The following MYOM1 variants were observed in gnomAD, a reference collection of about 807,000 sequenced individuals.
MYOM1 encodes the protein myomesin 1.
A neutral mutation model predicts 205.3 loss-of-function variants in MYOM1; 164 were observed. The observed-to-expected ratio is 0.80, with a 90% CI of 0.70 to 0.91. The LOEUF is 0.91. Among genes scored for constraint, MYOM1 ranks in the 40% least tolerant of loss-of-function variants. The pLI, the probability that MYOM1 is intolerant of heterozygous loss-of-function variation, is 0.00. For synonymous variants in MYOM1, 772 were observed against 789.4 expected (o/e 0.98, Z 0.37); for missense variants, 2,011 against 2,127.3 (o/e 0.95, Z 1.08).
At chr18:3,214,502 T>G (rs1037043126) in intron 2 of MYOM1, among the ~76,000 whole-genome samples, 2 of 152,160 alleles carry the variant, frequency 1.3e-5, no homozygotes, top group African/African-American at 4.8e-5. Flanking sequence ...CACACTTGGT[T>G]GAAATGCAGG....
At chr18:3,169,844 C>T (rs1347066363) in intron 8 of MYOM1, among the ~76,000 whole-genome samples, 3 of 152,154 alleles carry the variant, frequency 2.0e-5, no homozygotes, top group Non-Finnish European at 2.9e-5. Flanking sequence ...ATCTGCACTC[C>T]GATGTTTATT....
At chr18:3,230,688 C>A in the MYOM1 span, among the ~76,000 whole-genome samples, 28 of 151,976 alleles carry the variant, frequency 1.8e-4, no homozygotes, top group Non-Finnish European at 2.6e-4. Context: ...AGGGTGTACA[C>A]CAAGTAACCA....
At position 3,089,211 on chromosome 18, in the gene MYOM1, T is replaced by C; in HGVS notation, c.4100A>G (p.Glu1367Gly). Reference sequence around the variant, plus strand: ...TAGTACATTACATTCACCAGTCACTTCCCAGCTCAAATACTCAACAAAGTG... The same window carrying C: ...TAGTACATTACATTCACCAGTCACTCCCCAGCTCAAATACTCAACAAAGTG... ...GPHFVEYLSWEVTGECNVLLK... is the reference protein window; with the variant it reads ...GPHFVEYLSWGVTGECNVLLK... Residue 1367 changes from glutamate to glycine, a missense_variant, in exon 29 of 38, where the codon GAA becomes GGA. By Grantham distance (98) the Glu-to-Gly change is moderately conservative (BLOSUM62 -2). Coordinates refer to ENST00000356443, the MANE Select transcript of MYOM1 (RefSeq NM_003803.4). The C allele has an allele frequency of 1.2e-6, 2 of 1,612,094 alleles. No individual in the cohort carries two copies. Among genetic ancestry groups the C allele is most frequent in the South Asian group, 2.2e-5 (2 of 90,876 alleles).
the MYOM1 span, among the ~76,000 whole-genome samples, chr18:3,237,598 CAAAAAAAAAAAAA>C: frequency 3.5e-4 from 19 of 53,612 alleles, no homozygotes; most frequent in African/African-American, 1.5e-3. Flanking sequence ...GACTCCGTCT[CAAAAAAAAAAAAA>C]AAAAAAAAAA....
chr18:3,151,945 G>T, intron 11 of MYOM1, 52 bp from the exon 12 acceptor site: 2 of 1,554,756 alleles, frequency 1.3e-6, no homozygotes, highest in Non-Finnish European at 1.8e-6. Context: ...ATGGCTTAAT[G>T]AATATCTCCA....
intron 19 of MYOM1, among the ~76,000 whole-genome samples, chr18:3,121,162 T>G (rs2079685454): frequency 6.6e-6 from 1 of 152,136 alleles, no homozygotes; most frequent in Non-Finnish European, 1.5e-5. Context: ...AACATATGTT[T>G]AATTAGTTTT....
intron 12 of MYOM1, 87 bp from the exon 13 acceptor site, chr18:3,149,288 T>C: frequency 9.1e-7 from 1 of 1,093,194 alleles, no homozygotes; most frequent in Admixed American, 1.9e-5. Flanking sequence ...GTGGCCAGAT[T>C]AGTCACAACT....
chr18:3,136,961 T>C (rs935811825), intron 14 of MYOM1, among the ~76,000 whole-genome samples: 1 of 151,734 alleles, frequency 6.6e-6, no homozygotes, highest in Non-Finnish European at 1.5e-5. Context: ...TTTTCTTTTT[T>C]TTTTTTTGAG....
At chr18:3,145,293 G>C (rs192225298) in intron 13 of MYOM1, among the ~76,000 whole-genome samples, 1 of 147,942 alleles carries the variant, frequency 6.8e-6, no homozygotes, top group Non-Finnish European at 1.5e-5. Flanking sequence ...CTGGGAAACA[G>C]AGTGAGACTC....
intron 33 of MYOM1, among the ~76,000 whole-genome samples, chr18:3,083,427 C>CTTTTTTTTTTTTTTTTTTTTTT (rs35959808): frequency 9.1e-5 from 9 of 98,524 alleles, no homozygotes; most frequent in African/African-American, 1.7e-4. Flanking sequence ...TTTTCTTTTT[C>CTTTTTTTTTTTTTTTTTTTTTT]TTTTTTTTTT....
chr18:3,085,383 T>C (rs113257111), intron 30 of MYOM1, among the ~76,000 whole-genome samples: 1 of 151,740 alleles, frequency 6.6e-6, no homozygotes, highest in Non-Finnish European at 1.5e-5. Context: ...AGCACTGGGA[T>C]TACAGGTGTG....
Position 3,152,783 on chromosome 18 carries a change from G to A in MYOM1, c.1644-890C>T, listed in dbSNP as rs1050801935. On this transcript the variant is annotated intron_variant, in intron 11 of 37. Coordinates refer to ENST00000356443, the MANE Select transcript of MYOM1 (RefSeq NM_003803.4). The surrounding 1 kb of genome is among the most constrained non-coding windows in gnomAD (Gnocchi z 4.3). ...GTGTAATTCCCAAATGATTCTCAGGGGCGTGGGGGTTGCCAGTGGCAGGAC... is the reference window on the plus strand; with the variant it reads ...GTGTAATTCCCAAATGATTCTCAGGAGCGTGGGGGTTGCCAGTGGCAGGAC... Among the ~76,000 whole-genome samples, 1 of 152,140 alleles carries A rather than the reference G, an allele frequency of 6.6e-6. No individual in the cohort carries two copies. Among genetic ancestry groups the A allele is most frequent in the African/African-American group, 2.4e-5 (1 of 41,408 alleles).
chr18:3,187,701 G>T (rs1386441786), intron 4 of MYOM1, 64 bp from the exon 5 acceptor site: 16 of 1,452,584 alleles, frequency 1.1e-5, no homozygotes. Context: ...GTGAATTTTG[G>T]TGCTAAAATA....
chr18:3,088,954 GA>G (rs764278574), intron 29 of MYOM1, among the ~76,000 whole-genome samples: 3 of 152,230 alleles, frequency 2.0e-5, no homozygotes, highest in Non-Finnish European at 4.4e-5. Flanking sequence ...ACTAGATCAT[GA>G]GTAGTGACTA....
At chr18:3,232,166 C>A in the MYOM1 span, among the ~76,000 whole-genome samples, 2 of 151,714 alleles carry the variant, frequency 1.3e-5, no homozygotes, top group Non-Finnish European at 2.9e-5. Context: ...CCCGTCTCAA[C>A]TAAAAATACA....
chr18:3,155,511 AT>A (rs1422407407), intron 10 of MYOM1, among the ~76,000 whole-genome samples: 1 of 152,226 alleles, frequency 6.6e-6, no homozygotes, highest in Non-Finnish European at 1.5e-5. Context: ...GGCGTGAGCC[AT>A]CACACCCGGC....
intron 26 of MYOM1, among the ~76,000 whole-genome samples, chr18:3,092,792 C>T (rs1412374042): frequency 2.0e-5 from 3 of 152,204 alleles, no homozygotes; most frequent in East Asian, 1.9e-4. Context: ...TCCTATCCTG[C>T]TCCCCAACAA....
chr18:3,141,328 C>T (rs925659098), intron 14 of MYOM1, among the ~76,000 whole-genome samples: 18 of 152,210 alleles, frequency 1.2e-4, no homozygotes, highest in African/African-American at 4.3e-4. Flanking sequence ...TCATTGCATG[C>T]TGTCCTCTCT....
At chr18:3,232,002 T>C in the MYOM1 span, among the ~76,000 whole-genome samples, 1 of 151,976 alleles carries the variant, frequency 6.6e-6, no homozygotes, top group Non-Finnish European at 1.5e-5. Context: ...TTCAGTTATT[T>C]CCTTGCTTTT....
Sources: gnomAD v4.1 joint callset for allele counts (sites outside exome capture counted in the v4.1 genomes callset) on GRCh38, gnomAD v4.1.1 for gene constraint, Gnocchi (gnomAD v3.1) non-coding constraint, MANE v1.5 for transcripts, NCBI Gene and HGNC (gene_info 2026-07-23, HGNC 2026-07-21) for gene names.